IMMP2L: variants seen among roughly 807,000 people sequenced by gnomAD.
IMMP2L encodes mitochondrial inner membrane protease subunit 2.
Under a neutral mutation model 19.3 loss-of-function variants are expected in IMMP2L, and 18 were observed. The ratio of observed to expected loss-of-function variants is 0.93; its 90% CI spans 0.64 to 1.38. The LOEUF is 1.38. IMMP2L is among the 40% of genes most tolerant of loss of function. The pLI is 0.00. For missense variants in IMMP2L, 233 were observed against 218.2 expected, an observed-to-expected ratio of 1.07 and a Z score of -0.43; for synonymous variants, 76 against 73.0, an observed-to-expected ratio of 1.04 and a Z score of -0.21.
chr7:111,281,148 C>CAGAA (rs1819695860), intron 3 of IMMP2L, among the ~76,000 whole-genome samples: 4 of 55,368 alleles, frequency 7.2e-5, no homozygotes, highest in East Asian at 4.4e-4. Flanking sequence ...GACAGAAAGA[C>CAGAA]AGAAAGACAG....
chr7:111,437,790 C>G (rs912612158), intron 3 of IMMP2L, among the ~76,000 whole-genome samples: 5 of 151,738 alleles, frequency 3.3e-5, no homozygotes, highest in African/African-American at 1.2e-4. Context: ...TTGTTCAAAA[C>G]CCAGAGTCAC....
At chr7:111,035,130 TG>T (rs1213844214) in intron 3 of IMMP2L, among the ~76,000 whole-genome samples, 1 of 151,116 alleles carries the variant, frequency 6.6e-6, no homozygotes, top group African/African-American at 2.5e-5. Flanking sequence ...GCTTCAAAAC[TG>T]TAACTGCTTC....
At chr7:111,207,346 C>T (rs1810819199) in intron 3 of IMMP2L, among the ~76,000 whole-genome samples, 1 of 152,084 alleles carries the variant, frequency 6.6e-6, no homozygotes, top group African/African-American at 2.4e-5. Flanking sequence ...CCATAAAGCA[C>T]TTACTGCAAT....
intron 4 of IMMP2L, among the ~76,000 whole-genome samples, chr7:110,915,705 T>C (rs1279793010): frequency 6.6e-6 from 1 of 152,246 alleles, no homozygotes; most frequent in Admixed American, 6.5e-5. Context: ...ATACAACATG[T>C]ATGTATATCA....
At chr7:111,553,410 A>T (rs1790906628) in intron 1 of IMMP2L, among the ~76,000 whole-genome samples, 1 of 152,190 alleles carries the variant, frequency 6.6e-6, no homozygotes, top group Non-Finnish European at 1.5e-5. Context: ...ATGTCCCTGC[A>T]TTCTTAACGA....
intron 4 of IMMP2L, among the ~76,000 whole-genome samples, chr7:110,898,304 CA>C (rs1811523535): frequency 6.7e-6 from 1 of 149,606 alleles, no homozygotes; most frequent in Non-Finnish European, 1.5e-5. Context: ...GGAATCCTCC[CA>C]TTTGTTTTTT....
intron 5 of IMMP2L, among the ~76,000 whole-genome samples, chr7:110,842,541 T>G (rs1045334082): frequency 6.6e-6 from 1 of 152,300 alleles, no homozygotes; most frequent in African/African-American, 2.4e-5. Context: ...TCAGGCTCTA[T>G]TGTTGTACGT....
chr7:111,151,301 T>G (rs1804045102), intron 3 of IMMP2L, among the ~76,000 whole-genome samples: 1 of 152,100 alleles, frequency 6.6e-6, no homozygotes, highest in South Asian at 2.1e-4. Context: ...TCTAGAAAGA[T>G]CTAACAACCA....
intron 5 of IMMP2L, among the ~76,000 whole-genome samples, chr7:110,762,484 CT>C (rs1335692085): frequency 6.6e-6 from 1 of 152,128 alleles, no homozygotes; most frequent in Non-Finnish European, 1.5e-5. Context: ...ATCACATTGC[CT>C]GAACATCAAC....
At chr7:110,986,193 T>G (rs1041964137) in intron 3 of IMMP2L, among the ~76,000 whole-genome samples, 8 of 152,102 alleles carry the variant, frequency 5.3e-5, no homozygotes, top group Non-Finnish European at 1.2e-4. Context: ...ATTAATTTCA[T>G]TTAAAATATG....
intron 3 of IMMP2L, among the ~76,000 whole-genome samples, chr7:111,250,627 A>G (rs930174047): frequency 2.0e-5 from 3 of 152,182 alleles, no homozygotes; most frequent in African/African-American, 7.2e-5. Context: ...GATTTTTTAC[A>G]AACCTGACAA....
chr7:111,539,567 G>A (rs1848335159), intron 1 of IMMP2L, among the ~76,000 whole-genome samples: 1 of 151,650 alleles, frequency 6.6e-6, no homozygotes, highest in Non-Finnish European at 1.5e-5. Context: ...GGGCCAGGGG[G>A]AGCAGGTGCT....
chr7:111,447,268 A>G (rs1332155708), intron 3 of IMMP2L, among the ~76,000 whole-genome samples: 5 of 116,256 alleles, frequency 4.3e-5, no homozygotes, highest in East Asian at 2.2e-4. Flanking sequence ...GATTCACCAA[A>G]GTTGAAATGA....
At chr7:111,145,605 G>C (rs1803382781) in intron 3 of IMMP2L, among the ~76,000 whole-genome samples, 1 of 152,076 alleles carries the variant, frequency 6.6e-6, no homozygotes, top group Non-Finnish European at 1.5e-5. Context: ...AATAGGAACA[G>C]CATGTACCCT....
chr7:111,530,255 G>T (rs1370008515), intron 1 of IMMP2L, among the ~76,000 whole-genome samples: 7 of 152,058 alleles, frequency 4.6e-5, no homozygotes, highest in African/African-American at 1.7e-4. Context: ...TTTGTGTAAA[G>T]AAAATGACTA....
intron 3 of IMMP2L, among the ~76,000 whole-genome samples, chr7:111,181,599 A>G (rs1807714066): frequency 6.6e-6 from 1 of 152,050 alleles, no homozygotes; most frequent in African/African-American, 2.4e-5. Context: ...TAAGAGGAAT[A>G]AATGAAGGTT....
chr7:111,372,947 TA>T lies in IMMP2L; in HGVS notation c.239+114290del, dbSNP rs373602553. On this transcript the variant is annotated intron_variant, in intron 3 of 5. Transcript: ENST00000405709. ...TGAACAATTAGGGTAAAAGTGAACA[TA>T]AAACATTGATGTAATCTGTTCTGTT... is the stretch of plus-strand genomic sequence containing the variant. Among the ~76,000 whole-genome samples the T allele has an allele frequency of 6.4e-3, 976 of 152,138 alleles. 12 individuals are homozygous for T. Among genetic ancestry groups the T allele is most frequent in the African/African-American group, 0.021 (857 of 41,530 alleles).
At chr7:111,282,357 A>T (rs1819985773) in intron 3 of IMMP2L, among the ~76,000 whole-genome samples, 1 of 152,212 alleles carries the variant, frequency 6.6e-6, no homozygotes, top group South Asian at 2.1e-4. Context: ...AGGGAAGAGT[A>T]TGGTATTTGA....
At chr7:111,085,578 C>T (rs1796244017) in intron 3 of IMMP2L, among the ~76,000 whole-genome samples, 1 of 152,056 alleles carries the variant, frequency 6.6e-6, no homozygotes, top group Non-Finnish European at 1.5e-5. Flanking sequence ...CTGTAATGAC[C>T]AGTGATGCTG....
Sources: gnomAD v4.1 joint callset for allele counts (sites outside exome capture counted in the v4.1 genomes callset) on GRCh38, gnomAD v4.1.1 for gene constraint, MANE v1.5 for transcripts, NCBI Gene and HGNC (gene_info 2026-07-23, HGNC 2026-07-21) for gene names.